The following CTNNA3 variants were observed in gnomAD, a reference collection of about 807,000 sequenced individuals.
CTNNA3 encodes the protein catenin alpha-3.
CTNNA3 carries 76 observed loss-of-function variants against 95.7 expected under a neutral mutation model. The observed-to-expected ratio is 0.79, with a 90% CI of 0.66 to 0.96. The LOEUF is 0.96. CTNNA3 is among the 40% of genes least tolerant of loss of function. CTNNA3 has a pLI of 0.00. For synonymous variants in CTNNA3, 431 were observed against 374.4 expected (o/e 1.15, Z -1.74); for missense variants, 1,191 against 1,089.8 (o/e 1.09, Z -1.31).
At chr10:66,868,535 T>C (rs1844274234) in intron 7 of CTNNA3, among the ~76,000 whole-genome samples, 1 of 151,326 alleles carries the variant, frequency 6.6e-6, no homozygotes. Context: ...GGTGGATCAC[T>C]TGAGGTTGAG....
At chr10:67,747,968 C>T (rs901659794) in intron 1 of CTNNA3, among the ~76,000 whole-genome samples, 1 of 152,102 alleles carries the variant, frequency 6.6e-6, no homozygotes, top group African/African-American at 2.4e-5. Context: ...ATACAAGTAT[C>T]GATAGCTGAA....
chr10:67,575,192 T>C (rs536325485), intron 3 of CTNNA3, among the ~76,000 whole-genome samples: 10 of 152,178 alleles, frequency 6.6e-5, no homozygotes, highest in Non-Finnish European at 1.5e-4. Flanking sequence ...CCTATATATA[T>C]TTTTTGTTTT....
chr10:66,822,919 T>A (rs1269738951), intron 7 of CTNNA3, among the ~76,000 whole-genome samples: 2 of 152,166 alleles, frequency 1.3e-5, no homozygotes, highest in African/African-American at 2.4e-5. Context: ...AAACATCTGA[T>A]CCACAGGCCA....
intron 13 of CTNNA3, among the ~76,000 whole-genome samples, chr10:66,182,167 C>A (rs1347778033): frequency 6.6e-6 from 1 of 151,928 alleles, no homozygotes; most frequent in African/African-American, 2.4e-5. Flanking sequence ...TAAATATAAT[C>A]TCTTACAATC....
At chr10:67,617,293 C>T (rs1050093913) in intron 2 of CTNNA3, among the ~76,000 whole-genome samples, 9 of 152,098 alleles carry the variant, frequency 5.9e-5, no homozygotes, top group Non-Finnish European at 1.0e-4. Context: ...TGTTGTTCCC[C>T]TCTATGTGTC....
At chr10:66,656,001 A>C (rs79048507) in intron 9 of CTNNA3, among the ~76,000 whole-genome samples, 7,407 of 152,184 alleles carry the variant, frequency 0.049, 322 homozygotes, top group East Asian at 0.078. Context: ...ACGTTTATTG[A>C]GTACTTACTG....
intron 1 of CTNNA3, among the ~76,000 whole-genome samples, chr10:67,670,343 G>A (rs373699439): frequency 1.1e-4 from 17 of 152,268 alleles, no homozygotes; most frequent in African/African-American, 3.9e-4. Flanking sequence ...TAGTTCTACT[G>A]ATTTTGCATA....
intron 1 of CTNNA3, among the ~76,000 whole-genome samples, chr10:67,664,202 C>T (rs1840272222): frequency 6.6e-6 from 1 of 152,088 alleles, no homozygotes; most frequent in Non-Finnish European, 1.5e-5. Flanking sequence ...CATGTCTGTT[C>T]TATTATGTAG....
intron 13 of CTNNA3, among the ~76,000 whole-genome samples, chr10:66,268,071 T>C (rs1414334922): frequency 6.6e-6 from 1 of 152,062 alleles, no homozygotes; most frequent in East Asian, 1.9e-4. Flanking sequence ...AAAATAACTG[T>C]TATTGTTGAA....
intron 4 of CTNNA3, among the ~76,000 whole-genome samples, chr10:67,526,393 T>C (rs1840146758): frequency 1.3e-5 from 2 of 151,446 alleles, no homozygotes; most frequent in Non-Finnish European, 2.9e-5. Context: ...CTATAAAAGT[T>C]AAGAACATAG....
chr10:66,134,065 C>G (rs1264426234), intron 13 of CTNNA3, among the ~76,000 whole-genome samples: 1 of 152,104 alleles, frequency 6.6e-6, no homozygotes, highest in Non-Finnish European at 1.5e-5. Flanking sequence ...AAAAACACCA[C>G]AGTCAAAATC....
chr10:66,339,222 A>T (rs1478131535), intron 12 of CTNNA3, among the ~76,000 whole-genome samples: 1 of 151,928 alleles, frequency 6.6e-6, no homozygotes, highest in Non-Finnish European at 1.5e-5. Flanking sequence ...AATTGACAGA[A>T]ACTGACACAT....
At chr10:66,569,568 A>G (rs1300276087) in intron 10 of CTNNA3, among the ~76,000 whole-genome samples, 2 of 152,204 alleles carry the variant, frequency 1.3e-5, no homozygotes, top group South Asian at 4.1e-4. Flanking sequence ...AATAAGCAGG[A>G]CATATTTATT....
chr10:66,906,211 A>G (rs1239181584), intron 7 of CTNNA3, among the ~76,000 whole-genome samples: 1 of 152,168 alleles, frequency 6.6e-6, no homozygotes, highest in African/African-American at 2.4e-5. Flanking sequence ...TTAACACCAT[A>G]ACGAAGAGAT....
At chr10:67,454,416 C>T (rs1344072693) in intron 5 of CTNNA3, among the ~76,000 whole-genome samples, 1 of 152,090 alleles carries the variant, frequency 6.6e-6, no homozygotes, top group African/African-American at 2.4e-5. Flanking sequence ...TATTGGAAAG[C>T]TTAGGCCAAA....
chr10:66,894,252 C>T (rs986204293), intron 7 of CTNNA3, among the ~76,000 whole-genome samples: 4 of 151,952 alleles, frequency 2.6e-5, no homozygotes, highest in African/African-American at 4.8e-5. Flanking sequence ...CAGAGTTTTA[C>T]AGGTAAAGGA....
chr10:67,298,005 T>G (rs1476271297), intron 5 of CTNNA3, among the ~76,000 whole-genome samples: 8 of 152,234 alleles, frequency 5.3e-5, no homozygotes, highest in Non-Finnish European at 1.0e-4. Flanking sequence ...GGCCATAAAA[T>G]TAATGAGGCA....
rs574019002 is a variant in CTNNA3, at chr10:67,742,098, C to T, written c.-2+21336G>A. Among the ~76,000 whole-genome samples, 21 of 151,116 alleles carry T rather than the reference C, an allele frequency of 1.4e-4. No homozygotes were observed. The South Asian group carries it at 2.6e-3, about 18-fold the overall frequency. ...CCACTGTCAACATTAGACAGATCAA[C>T]GAGACAGAAAGTTAACAAGGATATC... On this transcript the variant is annotated intron_variant, in intron 1 of 17. Coordinates refer to the CTNNA3 transcript ENST00000684154.
At chr10:66,018,187 TACACACAC>T (rs59373779) in intron 15 of CTNNA3, among the ~76,000 whole-genome samples, 1 of 142,082 alleles carries the variant, frequency 7.0e-6, no homozygotes, top group African/African-American at 2.6e-5. Flanking sequence ...ACAGCTCAAA[TACACACAC>T]ACACACACAC....
Sources: gnomAD v4.1 joint callset for allele counts (sites outside exome capture counted in the v4.1 genomes callset) on GRCh38, gnomAD v4.1.1 for gene constraint, MANE v1.5 for transcripts, NCBI Gene and HGNC (gene_info 2026-07-23, HGNC 2026-07-21) for gene names.